SPAG16: variants seen among roughly 807,000 people sequenced by gnomAD.
SPAG16 encodes sperm-associated antigen 16 protein.
Under a neutral mutation model 80.4 loss-of-function variants are expected in SPAG16, and 86 were observed. That is an observed-to-expected ratio of 1.07 (90% CI 0.90 to 1.28). The LOEUF is 1.28. SPAG16 is among the 50% of genes most tolerant of loss of function. SPAG16 has a pLI of 0.00. For missense variants in SPAG16, 870 were observed against 765.3 expected, an observed-to-expected ratio of 1.14 and a Z score of -1.61; for synonymous variants, 294 against 265.9, an observed-to-expected ratio of 1.11 and a Z score of -1.03.
At position 213,929,933 on chromosome 2, in the gene SPAG16, G is replaced by C. The variant is rs114135655; in HGVS notation, c.1215-27G>C. ...AAAAATTATGTTACTTTTTAAACAA[G>C]CTGTCTTTTTATGTTTTTGCAAATA... On this transcript the variant is annotated intron_variant, in intron 11 of 15. Transcript: ENST00000331683. 2,568 of 1,592,756 alleles carry C rather than the reference G, an allele frequency of 1.6e-3. 28 individuals carry two copies. In the African/African-American group the frequency reaches 0.031, roughly 19 times the overall value.
chr2:214,202,169 G>A (rs2058027429), intron 15 of SPAG16, among the ~76,000 whole-genome samples: 1 of 152,150 alleles, frequency 6.6e-6, no homozygotes, highest in Non-Finnish European at 1.5e-5. Flanking sequence ...CTTATAACAC[G>A]TTTATTTACT....
chr2:213,827,471 A>C (rs903905253), intron 10 of SPAG16, among the ~76,000 whole-genome samples: 22 of 152,092 alleles, frequency 1.4e-4, no homozygotes, highest in African/African-American at 5.3e-4. Context: ...AGTTCTACAT[A>C]TACTATGTCT....
At chr2:213,501,454 G>A (rs765377163) in intron 10 of SPAG16, among the ~76,000 whole-genome samples, 2 of 151,998 alleles carry the variant, frequency 1.3e-5, no homozygotes, top group African/African-American at 4.8e-5. Flanking sequence ...AAAAATATAC[G>A]TCTATGTCCA....
chr2:213,936,548 G>A (rs1309747264), intron 12 of SPAG16, among the ~76,000 whole-genome samples: 1 of 152,158 alleles, frequency 6.6e-6, no homozygotes, highest in Admixed American at 6.5e-5. Flanking sequence ...TCAGCCATGA[G>A]AATAGTGAAA....
chr2:213,299,329 G>A (rs762497733), intron 3 of SPAG16, among the ~76,000 whole-genome samples: 2 of 149,162 alleles, frequency 1.3e-5, no homozygotes, highest in African/African-American at 4.9e-5. Flanking sequence ...TTGAGACGGA[G>A]TCTCACTCTG....
chr2:213,683,869 G>C (rs1185350478), intron 10 of SPAG16, among the ~76,000 whole-genome samples: 1 of 152,088 alleles, frequency 6.6e-6, no homozygotes, highest in Non-Finnish European at 1.5e-5. Flanking sequence ...TCTTACAATT[G>C]AACAAATGAC....
At chr2:213,931,159 A>AAAGG (rs1339666192) in intron 12 of SPAG16, among the ~76,000 whole-genome samples, 5 of 152,172 alleles carry the variant, frequency 3.3e-5, no homozygotes, top group African/African-American at 1.2e-4. Context: ...TGCATGTGAA[A>AAAGG]TTATTATTGT....
chr2:213,656,272 C>T (rs1450418069), intron 10 of SPAG16, among the ~76,000 whole-genome samples: 1 of 152,224 alleles, frequency 6.6e-6, no homozygotes, highest in Non-Finnish European at 1.5e-5. Flanking sequence ...CTCTGTCTCC[C>T]AGGTTCTCCT....
chr2:214,197,752 A>G (rs1329263477), intron 15 of SPAG16, among the ~76,000 whole-genome samples: 1 of 151,914 alleles, frequency 6.6e-6, no homozygotes, highest in Non-Finnish European at 1.5e-5. Flanking sequence ...TGTGATAGCT[A>G]TGTGTGGTAA....
intron 11 of SPAG16, among the ~76,000 whole-genome samples, chr2:213,898,021 A>C (rs1159741249): frequency 1.3e-5 from 2 of 152,180 alleles, no homozygotes; most frequent in African/African-American, 2.4e-5. Context: ...CTTAGTACCC[A>C]CAACTGTGTT....
intron 15 of SPAG16, among the ~76,000 whole-genome samples, chr2:214,182,962 C>T (rs1377585737): frequency 6.6e-6 from 1 of 151,854 alleles, no homozygotes; most frequent in Non-Finnish European, 1.5e-5. Context: ...TAGAAGAGGT[C>T]ATAGCGATGA....
chr2:213,878,413 T>C (rs577283410), intron 11 of SPAG16, among the ~76,000 whole-genome samples: 15 of 152,308 alleles, frequency 9.8e-5, no homozygotes, highest in African/African-American at 3.4e-4. Context: ...TTAACTTGTA[T>C]TTGTCAATAT....
chr2:214,012,288 A>ATATATATAT (rs1553694500), intron 12 of SPAG16, among the ~76,000 whole-genome samples: 5 of 46,806 alleles, frequency 1.1e-4, no homozygotes, highest in East Asian at 6.6e-4. Flanking sequence ...ATATATATAT[A>ATATATATAT]TTTTTTTTTT....
At chr2:214,281,225 C>T (rs1365795036) in intron 15 of SPAG16, 7 of 323,700 alleles carry the variant, frequency 2.2e-5, no homozygotes, top group Non-Finnish European at 1.8e-5. Context: ...AGTTCATGTG[C>T]ATATGCTATG....
At chr2:214,308,977 A>G (rs1415750834) in intron 15 of SPAG16, among the ~76,000 whole-genome samples, 1 of 151,760 alleles carries the variant, frequency 6.6e-6, no homozygotes, top group East Asian at 1.9e-4. Flanking sequence ...ATCCTGAAAT[A>G]TGTTTTCCCA....
At chr2:213,454,255 C>G (rs964884812) in intron 9 of SPAG16, among the ~76,000 whole-genome samples, 3 of 151,976 alleles carry the variant, frequency 2.0e-5, no homozygotes, top group Non-Finnish European at 4.4e-5. Flanking sequence ...TAAAAATTTT[C>G]TTGATGTTAG....
At chr2:213,679,455 C>T (rs574988099) in intron 10 of SPAG16, among the ~76,000 whole-genome samples, 43 of 152,260 alleles carry the variant, frequency 2.8e-4, no homozygotes, top group South Asian at 1.5e-3. Flanking sequence ...TACCACTGGT[C>T]CTGACAGTAA....
At chr2:213,498,304 C>T (rs1227985236) in intron 10 of SPAG16, among the ~76,000 whole-genome samples, 1 of 151,990 alleles carries the variant, frequency 6.6e-6, no homozygotes, top group Non-Finnish European at 1.5e-5. Context: ...GGAATGGTAT[C>T]CCATAATTGA....
At chr2:213,705,685 A>G (rs538269934) in intron 10 of SPAG16, among the ~76,000 whole-genome samples, 176 of 152,306 alleles carry the variant, frequency 1.2e-3, no homozygotes, top group Middle Eastern at 3.4e-3. Context: ...ATTTACTTCT[A>G]AACTCCCTTA....
Sources: allele counts gnomAD v4.1 joint callset (sites outside exome capture counted in the v4.1 genomes callset), GRCh38; gene constraint gnomAD v4.1.1; transcripts MANE v1.5; gene names NCBI Gene and HGNC (gene_info 2026-07-23, HGNC 2026-07-21).